Variants in C7 observed in about 807,000 individuals in gnomAD.
C7 encodes the protein complement component C7.
Under a neutral mutation model 104.8 loss-of-function variants are expected in C7, and 83 were observed. The ratio of observed to expected loss-of-function variants is 0.79; its 90% CI spans 0.66 to 0.95. The LOEUF is 0.95. C7 is among the 40% of genes least tolerant of loss of function. The pLI is 0.00. For missense variants in C7, 1,070 were observed against 1,011.2 expected (o/e 1.06, Z -0.79); for synonymous variants, 415 against 360.6 (o/e 1.15, Z -1.71).
chr5:40,969,998 A>C (rs1457558006), intron 14 of C7, among the ~76,000 whole-genome samples: 1 of 152,000 alleles, frequency 6.6e-6, no homozygotes, highest in Non-Finnish European at 1.5e-5. Flanking sequence ...AACGCATTAG[A>C]AACAAGCAGA....
At chr5:40,963,956 C>G (rs147693479) in intron 13 of C7, among the ~76,000 whole-genome samples, 2 of 139,028 alleles carry the variant, frequency 1.4e-5, no homozygotes, top group Non-Finnish European at 3.1e-5. Flanking sequence ...TGGAAAATTT[C>G]TGGGTGTTCA....
chr5:40,924,213 A>G (rs1739502925), intron 1 of C7, among the ~76,000 whole-genome samples: 1 of 152,200 alleles, frequency 6.6e-6, no homozygotes, highest in African/African-American at 2.4e-5. Flanking sequence ...ATCAGCTACT[A>G]GAAGGAGGCT....
In C7 at chr5:40,979,854, G is replaced by C; in HGVS notation, c.2295G>C (p.Leu765=). ...TTACTGGTAGGGACAGCTGTACTCT[G>C]CCTGCCTCAGCTGAGAAAGCTTGTG... ...YTLTGRDSCT[L]PASAEKACGA... is the part of the protein sequence containing the mutation. The change falls in exon 17 of 18, where the codon CTG becomes CTC. Residue 765 remains leucine (L), a synonymous_variant. Transcript: ENST00000313164. The C allele has an allele frequency of 6.2e-7, 1 of 1,609,114 alleles. No homozygotes were observed. The highest frequency in any genetic ancestry group is 8.5e-7 in the Non-Finnish European group (1 of 1,177,332).
intron 7 of C7, 116 bp from the exon 8 acceptor site, chr5:40,947,486 C>A (rs539538181): frequency 2.5e-5 from 29 of 1,149,150 alleles, no homozygotes; most frequent in Non-Finnish European, 3.5e-5. Context: ...AATAAAAATT[C>A]TTGTAGTCTT....
chr5:40,936,996 G>C (rs10041924), intron 5 of C7, among the ~76,000 whole-genome samples: 2,416 of 152,092 alleles, frequency 0.016, 60 homozygotes, highest in East Asian at 0.097. Context: ...TTATCAAAGA[G>C]AATTCTGAAG....
Position 40,962,144 on chromosome 5 carries a change from C to T in C7, c.1721C>T (p.Pro574Leu), listed in dbSNP as rs1447366275. ...SLVPTEFCPS[P>L]PALKDGFVQD... ...GTTCCAACAGAATTCTGTCCATCAC[C>T]TCCTGCCTTGAAAGATGGATTTGTT... Residue 574 changes from proline to leucine, a missense_variant, in exon 13 of 18, where the codon CCT becomes CTT. Pro to Leu is a moderately conservative substitution (Grantham distance 98). Coordinates refer to ENST00000313164, the MANE Select transcript of C7 (RefSeq NM_000587.4). 2 of 1,569,230 alleles carry T rather than the reference C, an allele frequency of 1.3e-6. No homozygotes were observed. Among genetic ancestry groups the T allele is most frequent in the Non-Finnish European group, 1.7e-6 (2 of 1,153,204 alleles).
At chr5:40,924,165 C>T (rs1739502206) in intron 1 of C7, among the ~76,000 whole-genome samples, 1 of 152,146 alleles carries the variant, frequency 6.6e-6, no homozygotes, top group Non-Finnish European at 1.5e-5. Flanking sequence ...AATTGGGGTA[C>T]AGGCATTGGG....
chr5:40,911,264 G>C (rs2111601179), intron 1 of C7: 1 of 152,320 alleles, frequency 6.6e-6, no homozygotes, highest in Non-Finnish European at 1.5e-5. Flanking sequence ...GAAAGCCTTG[G>C]GCTATCAAGA....
chr5:40,929,055 C>T (rs2077754661), intron 2 of C7, among the ~76,000 whole-genome samples: 1 of 152,074 alleles, frequency 6.6e-6, no homozygotes, highest in South Asian at 2.1e-4. Flanking sequence ...GGAAAAAAGC[C>T]AGCATCATTT....
rs1392325021 is a variant in C7, at chr5:40,958,136, G to C, written c.1364G>C (p.Cys455Ser). 1 of 1,613,818 alleles carries C rather than the reference G, an allele frequency of 6.2e-7. No homozygotes were observed. Among genetic ancestry groups the C allele is most frequent in the South Asian group, 1.1e-5 (1 of 91,088 alleles). ...LEEYLDEFDP[C>S]HCRPCQNGGL... ...GAGTATCTGGATGAATTTGACCCCT[G>C]TCATTGCCGGCCTTGTCAAAATGGT... The change falls in exon 11 of 18, where the codon TGT (cysteine) becomes TCT (serine). Residue 455 changes from cysteine (C) to serine (S), a missense_variant. Coordinates refer to ENST00000313164, the MANE Select transcript of C7 (RefSeq NM_000587.4).
At chr5:40,939,454 A>G (rs912294123) in intron 6 of C7, among the ~76,000 whole-genome samples, 6 of 152,222 alleles carry the variant, frequency 3.9e-5, no homozygotes, top group African/African-American at 1.2e-4. Flanking sequence ...CACCAAATTA[A>G]AAAGTAGTAG....
chr5:40,959,308 T>C (rs1161925129), intron 11 of C7, 141 bp from the exon 12 acceptor site: 1 of 725,592 alleles, frequency 1.4e-6, no homozygotes, highest in Non-Finnish European at 2.2e-6. Flanking sequence ...CTGAACATTG[T>C]AGAAAACCTC....
chr5:40,960,795 T>C (rs1427182978), intron 12 of C7, among the ~76,000 whole-genome samples: 1 of 152,190 alleles, frequency 6.6e-6, no homozygotes, highest in African/African-American at 2.4e-5. Flanking sequence ...TTCTCTCAGA[T>C]TTTGTGTCTC....
rs757295309 is a variant in C7 at position 40,981,406 on chromosome 5, T to G, written c.2365T>G (p.Cys789Gly). The part of the protein sequence containing the change: ...WGKCDAESSK[C>G]VCREASECEE... Reference sequence around the variant, plus strand: ...TACTTTTCCAGCTGAGAGCAGCAAATGTGTCTGCCGAGAAGCATCGGAGTG... The same window carrying G: ...TACTTTTCCAGCTGAGAGCAGCAAAGGTGTCTGCCGAGAAGCATCGGAGTG... Residue 789 changes from cysteine to glycine, a missense_variant, in exon 18 of 18, where the codon TGT (cysteine) becomes GGT (glycine). Coordinates refer to ENST00000313164, the MANE Select transcript of C7 (RefSeq NM_000587.4). 3.7e-6 allele frequency: 6 copies of G among 1,611,980 alleles called. No homozygotes were observed. The highest frequency in any genetic ancestry group is 5.1e-6 in the Non-Finnish European group (6 of 1,179,076).
At chr5:40,928,771 A>C (rs1739611174) in intron 2 of C7, 136 bp downstream of exon 2, 1 of 528,870 alleles carries the variant, frequency 1.9e-6, no homozygotes, top group Non-Finnish European at 3.3e-6. Flanking sequence ...ATTTTTATAA[A>C]AGACAATGAT....
chr5:40,964,653 G>A lies in C7; in HGVS notation c.1750-88G>A, dbSNP rs1253380030. ...TAAATGTAGCTTGCCTGATGATTAT[G>A]ATTTATAGACTGAATATATGTAAAG... is the stretch of plus-strand genomic sequence containing the variant. On this transcript the variant is annotated intron_variant, in intron 13 of 17. Coordinates refer to ENST00000313164, the MANE Select transcript of C7 (RefSeq NM_000587.4). 7 of 1,179,356 alleles carry A rather than the reference G, an allele frequency of 5.9e-6. No individual in the cohort carries two copies. In the Admixed American group the frequency reaches 1.3e-4, roughly 23 times the overall value. The allele number at this position is 1,179,356 out of a possible 1,614,324, so 73.1% of individuals were successfully genotyped here.
chr5:40,931,120 A>G lies in C7; in HGVS notation c.119A>G (p.Asn40Ser), dbSNP rs773836561. Reference sequence around the variant, plus strand: ...TTCTATGCCCCTTGGTCAGAATGCAATGGCTGTACCAAGACTCAGGTAGGA... The same window carrying G: ...TTCTATGCCCCTTGGTCAGAATGCAGTGGCTGTACCAAGACTCAGGTAGGA... ...WDFYAPWSEC[N>S]GCTKTQTRRR... Residue 40 changes from asparagine (N) to serine (S), a missense_variant, in exon 3 of 18, where the codon AAT becomes AGT. Asn to Ser is a conservative substitution (Grantham distance 46, BLOSUM62 1). Transcript: ENST00000313164. The G allele has an allele frequency of 4.0e-5, 65 of 1,613,162 alleles. No individual in the cohort carries two copies. Among genetic ancestry groups the G allele is most frequent in the African/African-American group, 9.3e-5 (7 of 74,922 alleles).
At chr5:40,955,969 G>A (rs1454319794) in intron 10 of C7, among the ~76,000 whole-genome samples, 1 of 152,074 alleles carries the variant, frequency 6.6e-6, no homozygotes, top group Non-Finnish European at 1.5e-5. Context: ...ATACAAAGTA[G>A]GATAGTAACA....
At position 40,934,440 on chromosome 5, in the gene C7, G is replaced by T; in HGVS notation, c.254G>T (p.Cys85Phe). The T allele has an allele frequency of 6.2e-7, 1 of 1,613,804 alleles. No individual in the cohort carries two copies. The highest frequency in any genetic ancestry group is 8.5e-7 in the Non-Finnish European group (1 of 1,179,708). The part of the protein sequence containing the change: ...PTRGCPTEEG[C>F]GERFRCFSGQ... ...AGAGGATGTCCAACAGAGGAGGGAT[G>T]TGGAGAGCGTTTCAGGTGCTTTTCA... The change falls in exon 4 of 18, where the codon TGT becomes TTT. Residue 85 changes from cysteine (C) to phenylalanine (F), a missense_variant. Cys to Phe is a radical substitution (Grantham distance 205, BLOSUM62 -2). Coordinates refer to ENST00000313164, the MANE Select transcript of C7 (RefSeq NM_000587.4).
Sources: allele counts gnomAD v4.1 joint callset (sites outside exome capture counted in the v4.1 genomes callset), GRCh38; gene constraint gnomAD v4.1.1; transcripts MANE v1.5; gene names NCBI Gene and HGNC (gene_info 2026-07-23, HGNC 2026-07-21).